TMEM161B: variants seen among roughly 807,000 people sequenced by gnomAD.
TMEM161B encodes the protein transmembrane protein 161B.
TMEM161B carries 34 observed loss-of-function variants against 61.8 expected under a neutral mutation model. That is an observed-to-expected ratio of 0.55 (90% CI 0.42 to 0.73). The LOEUF (loss-of-function observed/expected upper bound fraction) is 0.73, where lower values mean the gene tolerates loss of function less well. Among genes scored for constraint, TMEM161B ranks in the 30% least tolerant of loss-of-function variants. The pLI is 0.00. For missense variants in TMEM161B, 456 were observed against 558.5 expected (o/e 0.82, Z 1.85); for synonymous variants, 167 against 192.8 (o/e 0.87, Z 1.11).
At position 88,202,942 on chromosome 5, in the gene TMEM161B, C is replaced by T. The variant is rs757970244; in HGVS notation, c.914+20G>A. ...AGCAGTTTTGGTGATAAAAATCAGC[C>T]CTCAAATGCCCATACTTACAAAGGG... On this transcript the variant is annotated intron_variant, in intron 9 of 11. Transcript: ENST00000296595. The T allele has an allele frequency of 4.7e-6, 7 of 1,486,984 alleles. No homozygotes were observed. The African/African-American group carries it at 9.6e-5, about 20-fold the overall frequency. 92.1% of individuals were successfully genotyped at this position (1,486,984 alleles called of 1,614,324 possible). A position where few individuals can be genotyped will look rare whatever the true frequency, so the allele number is the denominator to read the frequency against.
At chr5:88,244,572 C>T (rs1362450711) in intron 1 of TMEM161B, among the ~76,000 whole-genome samples, 1 of 148,036 alleles carries the variant, frequency 6.8e-6, no homozygotes, top group East Asian at 1.9e-4. Context: ...TAATGTGATG[C>T]CTCCAGCTTT....
At chr5:88,223,888 C>T (rs574527926) in intron 4 of TMEM161B, among the ~76,000 whole-genome samples, 29 of 145,122 alleles carry the variant, frequency 2.0e-4, no homozygotes, top group Non-Finnish European at 4.1e-4. Flanking sequence ...GACTCCATCT[C>T]AAAAAAAATA....
At chr5:88,218,833 A>G (rs1306110204) in intron 5 of TMEM161B, among the ~76,000 whole-genome samples, 1 of 152,234 alleles carries the variant, frequency 6.6e-6, no homozygotes, top group East Asian at 1.9e-4. Flanking sequence ...GTAAATTTAA[A>G]ATATTTTCAA....
At chr5:88,221,246 C>T (rs1028930716) in intron 4 of TMEM161B, 2 of 163,806 alleles carry the variant, frequency 1.2e-5, no homozygotes, top group Non-Finnish European at 2.6e-5. Flanking sequence ...AGAACAGACG[C>T]GGTGGCTCAC....
intron 1 of TMEM161B, among the ~76,000 whole-genome samples, chr5:88,260,379 T>C (rs980606961): frequency 4.6e-5 from 7 of 152,134 alleles, no homozygotes; most frequent in Non-Finnish European, 7.3e-5. Flanking sequence ...ATAAAAATCA[T>C]AGAATTCTAG....
intron 1 of TMEM161B, among the ~76,000 whole-genome samples, chr5:88,253,492 T>G (rs1329044911): frequency 3.9e-5 from 6 of 152,144 alleles, no homozygotes; most frequent in Non-Finnish European, 7.3e-5. Context: ...GAAGAGAAGG[T>G]CAGGCAGTTA....
Position 88,240,890 on chromosome 5 carries a change from A to G in TMEM161B, c.30T>C (p.Val10=), listed in dbSNP as rs1262977087. 6.2e-6 allele frequency: 10 copies of G among 1,610,316 alleles called. No homozygotes were observed. Among genetic ancestry groups the G allele is most frequent in the Non-Finnish European group, 8.5e-6 (10 of 1,177,910 alleles). Residue 10 remains valine, a synonymous_variant, in exon 2 of 12, where the codon GTT becomes GTC. Transcript: ENST00000296595. MGVIGIQLV[V]TMVMASVMQK... The stretch of plus-strand genomic sequence containing the variant: ...GCATGACACTGGCCATCACCATGGT[A>G]ACAACCAGCTGTATACCTATCACAC...
intron 5 of TMEM161B, among the ~76,000 whole-genome samples, chr5:88,209,554 T>G (rs1260295093): frequency 6.6e-6 from 1 of 152,222 alleles, no homozygotes; most frequent in East Asian, 1.9e-4. Context: ...GATCCAGACA[T>G]GAAGCATGAT....
At chr5:88,199,353 C>T (rs1440446064) in intron 9 of TMEM161B, 7 of 423,078 alleles carry the variant, frequency 1.7e-5, no homozygotes, top group Middle Eastern at 6.2e-4. Context: ...ATCATGAAAG[C>T]GTAAGAAGTT....
chr5:88,197,357 T>TA (rs948842686), intron 11 of TMEM161B, among the ~76,000 whole-genome samples: 1 of 152,168 alleles, frequency 6.6e-6, no homozygotes, highest in African/African-American at 2.4e-5. Context: ...AACAAAACCT[T>TA]AAATCATCCT....
chr5:88,267,484 T>C (rs1756543399), intron 1 of TMEM161B, among the ~76,000 whole-genome samples: 1 of 152,286 alleles, frequency 6.6e-6, no homozygotes, highest in East Asian at 1.9e-4. Flanking sequence ...ATTAACTGAA[T>C]GTTGGCAATA....
intron 2 of TMEM161B, among the ~76,000 whole-genome samples, chr5:88,235,624 T>C (rs1454131228): frequency 6.6e-6 from 1 of 152,148 alleles, no homozygotes; most frequent in African/African-American, 2.4e-5. Flanking sequence ...AACCTGACCA[T>C]ACTAGCATGC....
intron 1 of TMEM161B, among the ~76,000 whole-genome samples, chr5:88,247,039 G>T (rs899643439): frequency 6.6e-6 from 1 of 151,984 alleles, no homozygotes; most frequent in African/African-American, 2.4e-5. Flanking sequence ...CCCAAGAAGG[G>T]TGAAACATTG....
intron 4 of TMEM161B, among the ~76,000 whole-genome samples, chr5:88,224,620 A>G (rs910953237): frequency 2.0e-5 from 3 of 152,190 alleles, no homozygotes; most frequent in Non-Finnish European, 4.4e-5. Context: ...CCTTTCTACT[A>G]TATGTGAGAA....
chr5:88,222,002 A>T (rs571660606), intron 4 of TMEM161B, among the ~76,000 whole-genome samples: 61 of 152,362 alleles, frequency 4.0e-4, no homozygotes, highest in African/African-American at 1.4e-3. Context: ...GATGATCATA[A>T]CATTTTTCCA....
At chr5:88,231,272 A>G (rs1750941299) in intron 2 of TMEM161B, among the ~76,000 whole-genome samples, 1 of 152,186 alleles carries the variant, frequency 6.6e-6, no homozygotes, top group African/African-American at 2.4e-5. Flanking sequence ...TCAAATTTGT[A>G]GCCTATTAAT....
At position 88,240,864 on chromosome 5, in the gene TMEM161B, T is replaced by G; in HGVS notation, c.56A>C (p.Gln19Pro). ...AAGAGAATAGTGAGGTATAATCTTC[T>G]GCATGACACTGGCCATCACCATGGT... is the stretch of plus-strand genomic sequence containing the variant. ...VVTMVMASVMQKIIPHYSLAR... is the reference protein window; with the variant it reads ...VVTMVMASVMPKIIPHYSLAR... Residue 19 changes from glutamine to proline, a missense_variant, in exon 2 of 12, where the codon CAG (glutamine) becomes CCG (proline). This residue lies in a region of TMEM161B where 85 missense variants were observed against 111.2 expected (regional missense o/e 0.76). Coordinates refer to ENST00000296595, the MANE Select transcript of TMEM161B (RefSeq NM_153354.5). The G allele has an allele frequency of 1.9e-6, 3 of 1,611,538 alleles. No homozygotes were observed. The highest frequency in any genetic ancestry group is 2.5e-6 in the Non-Finnish European group (3 of 1,178,414).
chr5:88,202,385 A>G (rs1184784325), intron 9 of TMEM161B: 2 of 213,686 alleles, frequency 9.4e-6, no homozygotes, highest in Non-Finnish European at 1.9e-5. Context: ...AGGTATTAGT[A>G]TTAGATAACT....
chr5:88,263,919 G>T (rs149606750), intron 1 of TMEM161B, among the ~76,000 whole-genome samples: 153 of 152,258 alleles, frequency 1.0e-3, no homozygotes, highest in African/African-American at 3.6e-3. Context: ...AGAAAATAAA[G>T]TCAGAGAACT....
Sources: allele counts gnomAD v4.1 joint callset (sites outside exome capture counted in the v4.1 genomes callset), GRCh38; gene constraint gnomAD v4.1.1; regional missense constraint gnomAD v4.1.1; transcripts MANE v1.5; gene names NCBI Gene and HGNC (gene_info 2026-07-23, HGNC 2026-07-21).